HK1: variants seen among roughly 807,000 people sequenced by gnomAD.
HK1 encodes the protein hexokinase-1.
HK1 carries 28 observed loss-of-function variants against 91.6 expected under a neutral mutation model. The observed-to-expected ratio is 0.31, with a 90% CI of 0.23 to 0.42. The LOEUF (loss-of-function observed/expected upper bound fraction) is 0.42, where lower values mean the gene tolerates loss of function less well. HK1 is among the 10% of genes least tolerant of loss of function. The probability of loss-of-function intolerance (pLI) is 1.00; values close to 1 mark genes in which losing one functional copy is unlikely to be tolerated. For synonymous variants in HK1, 430 were observed against 468.1 expected (o/e 0.92, Z 1.05); for missense variants, 770 against 1,219.8 (o/e 0.63, Z 5.49).
Position 69,398,751 on chromosome 10 carries a change from G to C in HK1, c.2532G>C (p.Lys844Asn), listed in dbSNP as rs1297443118. 1.2e-6 allele frequency: 2 copies of C among 1,614,248 alleles called. No individual in the cohort carries two copies. Among genetic ancestry groups the C allele is most frequent in the Non-Finnish European group, 1.7e-6 (2 of 1,180,034 alleles). Residue 844 changes from lysine to asparagine, a missense_variant, in exon 17 of 18, where the codon AAG becomes AAC. Around this residue, in one of 7 missense-constraint regions of HK1, gnomAD observed 78 missense variants for 99.0 expected, o/e 0.79. Coordinates refer to ENST00000359426, the MANE Select transcript of HK1 (RefSeq NM_000188.3). ...CAGGCATGGCTGCGGTTGTGGATAA[G>C]ATCCGCGAGAACAGAGGACTGGACC... is the stretch of plus-strand genomic sequence containing the variant. ...CGAGMAAVVDKIRENRGLDRL... is the reference protein window; with the variant it reads ...CGAGMAAVVDNIRENRGLDRL...
At chr10:69,382,055 G>A (rs761143076) in intron 9 of HK1, among the ~76,000 whole-genome samples, 7 of 152,212 alleles carry the variant, frequency 4.6e-5, no homozygotes, top group Non-Finnish European at 7.3e-5. Flanking sequence ...CTTTTCTACA[G>A]TGGATGTATA....
At chr10:69,376,825 G>A (rs1839134875) in intron 7 of HK1, 109 bp from the exon 8 acceptor site, 2 of 1,362,296 alleles carry the variant, frequency 1.5e-6, no homozygotes, top group Non-Finnish European at 2.1e-6. Context: ...CGAGGCTGGG[G>A]GCTGGTGAGG....
intron 5 of HK1, among the ~76,000 whole-genome samples, chr10:69,307,832 A>G (rs1253162745): frequency 6.6e-6 from 1 of 152,014 alleles, no homozygotes; most frequent in Non-Finnish European, 1.5e-5. Flanking sequence ...TCTGTTTTAA[A>G]ATATATTTTC....
intron 2 of HK1, among the ~76,000 whole-genome samples, chr10:69,359,534 G>T (rs1273163122): frequency 6.6e-6 from 1 of 152,198 alleles, no homozygotes; most frequent in Non-Finnish European, 1.5e-5. Flanking sequence ...TTGAAATGCG[G>T]TGTGATTTTT....
At chr10:69,389,815 C>T (rs1158718375) in intron 14 of HK1, among the ~76,000 whole-genome samples, 1 of 152,158 alleles carries the variant, frequency 6.6e-6, no homozygotes, top group East Asian at 1.9e-4. Flanking sequence ...ATGGTCCCAG[C>T]CACTGAAGGG....
intron 15 of HK1, among the ~76,000 whole-genome samples, chr10:69,394,232 AT>A (rs1265220209): frequency 2.0e-5 from 3 of 152,242 alleles, no homozygotes; most frequent in Non-Finnish European, 2.9e-5. Flanking sequence ...AGGGCAGGAA[AT>A]TTGAAGTCCC....
At chr10:69,372,857 GT>G (rs139153331) in intron 7 of HK1, among the ~76,000 whole-genome samples, 15 of 149,342 alleles carry the variant, frequency 1.0e-4, no homozygotes, top group African/African-American at 2.2e-4. Context: ...TTTAACCAGG[GT>G]TTTTTTTTTG....
intron 1 of HK1, among the ~76,000 whole-genome samples, chr10:69,272,253 G>A (rs1319859155): frequency 2.0e-5 from 3 of 152,186 alleles, no homozygotes; most frequent in African/African-American, 7.2e-5. Flanking sequence ...TAAAGGAAAT[G>A]CTAAATTTCA....
At chr10:69,303,336 G>A (rs1029972269) in intron 5 of HK1, among the ~76,000 whole-genome samples, 3 of 151,994 alleles carry the variant, frequency 2.0e-5, no homozygotes, top group Non-Finnish European at 2.9e-5. Flanking sequence ...TATTATCTAC[G>A]ATTTTTGTAA....
chr10:69,318,785 C>T (rs1846809214), upstream of HK1: 2 of 1,347,756 alleles, frequency 1.5e-6, no homozygotes, highest in East Asian at 6.1e-5. Flanking sequence ...AGCGCGGAGA[C>T]CGGGAGCGCG....
Position 69,398,616 on chromosome 10 carries a change from G to A in HK1, c.2397G>A (p.Gln799=). The A allele has an allele frequency of 6.2e-7, 1 of 1,613,850 alleles. No individual in the cohort carries two copies. The highest frequency in any genetic ancestry group is 1.3e-5 in the African/African-American group (1 of 75,064). ...ACAGTGACCGATTAGCACTGCTCCAGGTCCGGGCTATCCTCCAGCAGCTAG... is the reference window on the plus strand; with the variant it reads ...ACAGTGACCGATTAGCACTGCTCCAAGTCCGGGCTATCCTCCAGCAGCTAG... ...QIESDRLALL[Q]VRAILQQLGL... Residue 799 remains glutamine (Q), a synonymous_variant, in exon 17 of 18, where the codon CAG becomes CAA. Coordinates refer to ENST00000359426, the MANE Select transcript of HK1 (RefSeq NM_000188.3).
chr10:69,346,043 A>T (rs958253464), intron 2 of HK1, among the ~76,000 whole-genome samples: 9 of 152,006 alleles, frequency 5.9e-5, no homozygotes, highest in African/African-American at 2.2e-4. Context: ...GATGCTAAGG[A>T]CTTGGATACC....
intron 9 of HK1, among the ~76,000 whole-genome samples, chr10:69,381,796 C>T (rs544355864): frequency 6.6e-6 from 1 of 152,308 alleles, no homozygotes; most frequent in Non-Finnish European, 1.5e-5. Flanking sequence ...TCAGGTGATC[C>T]ACCTGCCTTG....
intron 1 of HK1, 92 bp from the exon 2 acceptor site, chr10:69,343,735 C>T: frequency 2.1e-6 from 2 of 938,184 alleles, no homozygotes; most frequent in Non-Finnish European, 3.5e-6. Context: ...GTTCCTGTGC[C>T]TGTGGGAGCT....
chr10:69,397,772 T>A (rs374782173), intron 16 of HK1, among the ~76,000 whole-genome samples: 212 of 152,258 alleles, frequency 1.4e-3, no homozygotes, highest in Middle Eastern at 0.014. Context: ...CAATTTAATA[T>A]AAATAAGACA....
chr10:69,297,051 T>C (rs1412921919), intron 4 of HK1, among the ~76,000 whole-genome samples: 2 of 152,148 alleles, frequency 1.3e-5, no homozygotes, highest in Non-Finnish European at 2.9e-5. Flanking sequence ...CACCCCCACA[T>C]CATGCAGTAG....
intron 1 of HK1, among the ~76,000 whole-genome samples, chr10:69,320,899 A>G (rs978409665): frequency 5.3e-5 from 8 of 152,120 alleles, no homozygotes; most frequent in Admixed American, 3.9e-4. Context: ...ATTCACATCT[A>G]TGGATGCACA....
upstream of HK1, among the ~76,000 whole-genome samples, chr10:69,311,316 C>T (rs10159541): frequency 0.02 from 3,046 of 152,192 alleles, 109 homozygotes; most frequent in African/African-American, 0.07. Context: ...CTTGAATGCC[C>T]TGGCTGAGAG....
chr10:69,329,579 G>A (rs1246591194), intron 1 of HK1, among the ~76,000 whole-genome samples: 1 of 152,124 alleles, frequency 6.6e-6, no homozygotes, highest in African/African-American at 2.4e-5. Flanking sequence ...GCAAACGAAG[G>A]CCCCCCAGGT....
Sources: gnomAD v4.1 joint callset for allele counts (sites outside exome capture counted in the v4.1 genomes callset) on GRCh38, gnomAD v4.1.1 for gene constraint, gnomAD v4.1.1 regional missense constraint, MANE v1.5 for transcripts, NCBI Gene and HGNC (gene_info 2026-07-23, HGNC 2026-07-21) for gene names.